NSUN4: variants seen among roughly 807,000 people sequenced by gnomAD.
The protein encoded by NSUN4 is NOP2/Sun RNA methyltransferase 4.
Under a neutral mutation model 43.8 loss-of-function variants are expected in NSUN4, and 31 were observed. The observed-to-expected ratio is 0.71, with a 90% CI of 0.53 to 0.96. The LOEUF (loss-of-function observed/expected upper bound fraction) is 0.96, where lower values mean the gene tolerates loss of function less well. Among genes scored for constraint, NSUN4 ranks in the 40% least tolerant of loss-of-function variants. NSUN4 has a pLI of 0.00. For missense variants in NSUN4, 439 were observed against 475.6 expected (o/e 0.92, Z 0.72); for synonymous variants, 167 against 184.1 (o/e 0.91, Z 0.75).
chr1:46,374,785 G>T, the NSUN4 span, among the ~76,000 whole-genome samples: 4 of 152,002 alleles, frequency 2.6e-5, no homozygotes, highest in African/African-American at 9.7e-5. Context: ...GATTGCTTGA[G>T]CCCAGGAGTA....
chr1:46,361,411 CTTTTCAGACAGTGTCAT>C (rs1222853132), intron 5 of NSUN4, among the ~76,000 whole-genome samples, 142 bp from the exon 6 acceptor site: 81 of 152,240 alleles, frequency 5.3e-4, no homozygotes, highest in African/African-American at 1.8e-3. Flanking sequence ...TTGAGAGTGA[CTTTTCAGACAGTGTCAT>C]TGTGGAAGGG....
downstream of NSUN4, among the ~76,000 whole-genome samples, chr1:46,369,583 G>A (rs1028842303): frequency 4.5e-4 from 69 of 152,214 alleles, 1 homozygote; most frequent in African/African-American, 1.6e-3. Context: ...AGGAAGAGAT[G>A]TTTAAACAGA....
chr1:46,361,538 T>C, intron 5 of NSUN4, 32 bp from the exon 6 acceptor site: 1 of 1,603,144 alleles, frequency 6.2e-7, no homozygotes, highest in Non-Finnish European at 8.5e-7. Context: ...GGAAGCTCAC[T>C]AGTAACTGCT....
the NSUN4 span, among the ~76,000 whole-genome samples, chr1:46,378,307 C>T: frequency 2.0e-5 from 3 of 151,934 alleles, no homozygotes; most frequent in Non-Finnish European, 4.4e-5. Flanking sequence ...AAGGGATCCT[C>T]CTGCCTCAGC....
chr1:46,353,568 C>T (rs1663158336), intron 4 of NSUN4, among the ~76,000 whole-genome samples: 1 of 152,022 alleles, frequency 6.6e-6, no homozygotes, highest in South Asian at 2.1e-4. Context: ...CCTCCGCCTC[C>T]TGGGTTCAAG....
At chr1:46,347,163 C>T (rs530478254) in intron 3 of NSUN4, 88 bp downstream of exon 3, 20 of 1,366,344 alleles carry the variant, frequency 1.5e-5, no homozygotes, top group African/African-American at 5.7e-5. Flanking sequence ...TTCGGCCAGG[C>T]GCAGTGGCTC....
At chr1:46,375,655 T>G in the NSUN4 span, among the ~76,000 whole-genome samples, 5 of 148,436 alleles carry the variant, frequency 3.4e-5, no homozygotes, top group African/African-American at 1.2e-4. Context: ...GAGGATGGCT[T>G]GAGCTCGGCA....
chr1:46,364,038 T>C lies in NSUN4; in HGVS notation c.*2192T>C, dbSNP rs1664034148. 1 of 151,662 alleles carries C rather than the reference T, an allele frequency of 6.6e-6. No homozygotes were observed. Among genetic ancestry groups the C allele is most frequent in the Admixed American group, 6.6e-5 (1 of 15,184 alleles). The allele number at this position is 151,662 out of a possible 1,614,324, so 9.4% of individuals were successfully genotyped here. A position where few individuals can be genotyped will look rare whatever the true frequency, so the allele number is the denominator to read the frequency against. ...TAGAAAATAGGCTAGGCACAGTGGC[T>C]CACGCCTGTAATCTCAACACTTTGG... On this transcript the variant is annotated 3_prime_UTR_variant, in exon 6 of 6. Coordinates refer to ENST00000474844, the MANE Select transcript of NSUN4 (RefSeq NM_199044.4).
At chr1:46,358,398 ATTTTTTTTTT>A (rs34719174) in intron 4 of NSUN4, among the ~76,000 whole-genome samples, 1 of 95,456 alleles carries the variant, frequency 1.0e-5, no homozygotes, top group Non-Finnish European at 2.0e-5. Context: ...TCCTGGCCTA[ATTTTTTTTTT>A]TTTTTTTTTT....
rs1663945446 is a variant in NSUN4 at position 46,362,499 on chromosome 1, C to T, written c.*653C>T. 1 of 152,350 alleles carries T rather than the reference C, an allele frequency of 6.6e-6. No homozygotes were observed. The highest frequency in any genetic ancestry group is 2.4e-5 in the African/African-American group (1 of 41,456). 9.4% of individuals were successfully genotyped at this position (152,350 alleles called of 1,614,324 possible). Reference sequence around the variant, plus strand: ...CAACAATACTGCTGCCCAAATGTGGCTTAGGAGGCTGCTTCTGCCACAAAA... The same window carrying T: ...CAACAATACTGCTGCCCAAATGTGGTTTAGGAGGCTGCTTCTGCCACAAAA... On this transcript the variant is annotated 3_prime_UTR_variant, in exon 6 of 6. Transcript: ENST00000474844.
At chr1:46,342,503 C>T (rs1336877591) in intron 1 of NSUN4, 1 of 398,970 alleles carries the variant, frequency 2.5e-6, no homozygotes, top group East Asian at 3.6e-5. Flanking sequence ...CACCCCAGTC[C>T]CAGGCTCCCA....
chr1:46,346,023 C>T (rs914155102), intron 2 of NSUN4, among the ~76,000 whole-genome samples: 7 of 151,210 alleles, frequency 4.6e-5, no homozygotes, highest in Non-Finnish European at 7.4e-5. Flanking sequence ...TGGTGGCGTG[C>T]GCCTGTAGTC....
At chr1:46,361,469 C>T in intron 5 of NSUN4, 101 bp from the exon 6 acceptor site, 2 of 1,055,134 alleles carry the variant, frequency 1.9e-6, no homozygotes, top group East Asian at 2.4e-5. Flanking sequence ...AGCTACCCAT[C>T]CTGTAGTAGC....
At chr1:46,341,074 T>A in intron 1 of NSUN4, 155 bp downstream of exon 1, 1 of 1,160,380 alleles carries the variant, frequency 8.6e-7, no homozygotes, top group Non-Finnish European at 1.2e-6. Flanking sequence ...CGTCACCGCC[T>A]CTGTCCGCAC....
the NSUN4 span, among the ~76,000 whole-genome samples, chr1:46,372,451 A>G: frequency 6.6e-6 from 1 of 151,680 alleles, no homozygotes; most frequent in Non-Finnish European, 1.5e-5. Flanking sequence ...CCGCCTTTTT[A>G]CTATTTACAT....
chr1:46,345,014 A>T lies in NSUN4; in HGVS notation c.307A>T (p.Ile103Phe). The T allele has an allele frequency of 6.2e-7, 1 of 1,614,160 alleles. No homozygotes were observed. Among genetic ancestry groups the T allele is most frequent in the African/African-American group, 1.3e-5 (1 of 75,044 alleles). Reference protein sequence around the residue: ...LSAKDFVNEAISHWELQSEGG... With the variant: ...LSAKDFVNEAFSHWELQSEGG... ...TGCCAAGGATTTTGTGAATGAAGCC[A>T]TCTCCCACTGGGAACTGCAGTCTGA... Residue 103 changes from isoleucine (I) to phenylalanine (F), a missense_variant, in exon 2 of 6, where the codon ATC (isoleucine) becomes TTC (phenylalanine). Transcript: ENST00000474844.
intron 1 of NSUN4, chr1:46,342,005 T>G: frequency 8.3e-7 from 1 of 1,204,694 alleles, no homozygotes; most frequent in East Asian, 3.2e-5. Flanking sequence ...AGCTCACTCA[T>G]GTACCCTTGG....
the NSUN4 span, among the ~76,000 whole-genome samples, chr1:46,371,157 G>A: frequency 7.0e-6 from 1 of 142,488 alleles, no homozygotes; most frequent in Middle Eastern, 3.7e-3. Flanking sequence ...TTTTTTTTGA[G>A]ACAGAGTCTT....
chr1:46,360,276 ATGT>A (rs1663769907), intron 4 of NSUN4, among the ~76,000 whole-genome samples: 1 of 89,254 alleles, frequency 1.1e-5, no homozygotes, highest in Non-Finnish European at 2.5e-5. Flanking sequence ...ATATATATAT[ATGT>A]AAATTAGTCT....
Sources: allele counts gnomAD v4.1 joint callset (sites outside exome capture counted in the v4.1 genomes callset), GRCh38; gene constraint gnomAD v4.1.1; transcripts MANE v1.5; gene names NCBI Gene and HGNC (gene_info 2026-07-23, HGNC 2026-07-21).